TMEM132D: variants seen among roughly 807,000 people sequenced by gnomAD.
TMEM132D encodes mature OL transmembrane protein.
In TMEM132D, 21 loss-of-function variants were observed where a neutral mutation model predicts 62.3. The ratio of observed to expected loss-of-function variants is 0.34; its 90% CI spans 0.24 to 0.49. TMEM132D has a LOEUF of 0.49. Among genes scored for constraint, TMEM132D ranks in the 20% least tolerant of loss-of-function variants. The pLI, the probability that TMEM132D is intolerant of heterozygous loss-of-function variation, is 0.99. For missense variants in TMEM132D, 1,346 were observed against 1,402.8 expected (o/e 0.96, Z 0.65); for synonymous variants, 621 against 575.6 (o/e 1.08, Z -1.13).
rs148312009 is a variant in TMEM132D, at chr12:129,538,117, T to C, written c.969-6912A>G. On this transcript the variant is annotated intron_variant, in intron 2 of 8. Transcript: ENST00000422113. ...TCACTTCTGAGATTTACGTGAGCTG[T>C]AAATGAGGAAGTTAAATATCTTCAG... Among the ~76,000 whole-genome samples, 283 of 152,310 alleles carry C rather than the reference T, an allele frequency of 1.9e-3. 1 individual carries two copies. The highest frequency in any genetic ancestry group is 6.4e-3 in the African/African-American group (266 of 41,568).
chr12:129,711,598 A>G (rs914508053), intron 1 of TMEM132D, among the ~76,000 whole-genome samples: 1 of 151,882 alleles, frequency 6.6e-6, no homozygotes, highest in African/African-American at 2.4e-5. Context: ...ATGGTGGCGC[A>G]GGCCTGTAAT....
intron 1 of TMEM132D, among the ~76,000 whole-genome samples, chr12:129,750,149 G>T (rs1021409463): frequency 6.6e-6 from 1 of 151,896 alleles, no homozygotes; most frequent in African/African-American, 2.4e-5. Context: ...GCAGTGGTGC[G>T]ATCTCGGCTC....
intron 2 of TMEM132D, among the ~76,000 whole-genome samples, chr12:129,632,024 A>G (rs565010258): frequency 1.5e-4 from 23 of 152,372 alleles, no homozygotes; most frequent in African/African-American, 5.5e-4. Context: ...CGTTCACTGC[A>G]GCATTATTTA....
chr12:129,807,318 G>A (rs370468170), intron 1 of TMEM132D, among the ~76,000 whole-genome samples: 3 of 152,172 alleles, frequency 2.0e-5, no homozygotes, highest in East Asian at 1.9e-4. Flanking sequence ...TTCTGTTACC[G>A]GCCTGGCCAT....
chr12:129,257,196 GTTTC>G (rs1287135565), intron 4 of TMEM132D, among the ~76,000 whole-genome samples: 2 of 140,770 alleles, frequency 1.4e-5, no homozygotes, highest in African/African-American at 2.7e-5. Flanking sequence ...GGCATCCCCT[GTTTC>G]TTTCTTTTTT....
At chr12:129,513,077 G>C (rs1182284854) in intron 3 of TMEM132D, among the ~76,000 whole-genome samples, 1 of 152,176 alleles carries the variant, frequency 6.6e-6, no homozygotes, top group Non-Finnish European at 1.5e-5. Context: ...TCTGAGGCTG[G>C]GTAACTTATA....
At chr12:129,227,358 GATTAT>G (rs1168130229) in intron 4 of TMEM132D, among the ~76,000 whole-genome samples, 9 of 136,090 alleles carry the variant, frequency 6.6e-5, no homozygotes, top group African/African-American at 2.4e-4. Context: ...GAAGACACTT[GATTAT>G]GTTATAAATC....
At chr12:129,851,683 C>A (rs1873547838) in intron 1 of TMEM132D, among the ~76,000 whole-genome samples, 1 of 151,462 alleles carries the variant, frequency 6.6e-6, no homozygotes, top group African/African-American at 2.5e-5. Context: ...CACTGCTTCC[C>A]TACAGCAGTG....
chr12:129,269,921 C>T (rs1011962365), intron 4 of TMEM132D, among the ~76,000 whole-genome samples: 9 of 152,096 alleles, frequency 5.9e-5, no homozygotes, highest in Admixed American at 3.9e-4. Flanking sequence ...GCAACCAAGG[C>T]GTCTGAAAGG....
intron 3 of TMEM132D, among the ~76,000 whole-genome samples, chr12:129,411,156 T>C (rs1234646903): frequency 6.6e-6 from 1 of 152,174 alleles, no homozygotes; most frequent in Non-Finnish European, 1.5e-5. Context: ...ATTTTCCAGG[T>C]ACATAATTAT....
chr12:129,473,230 C>T (rs1231722995), intron 3 of TMEM132D, among the ~76,000 whole-genome samples: 3 of 151,696 alleles, frequency 2.0e-5, no homozygotes, highest in Non-Finnish European at 2.9e-5. Flanking sequence ...AGTCAGCAGT[C>T]GTCCATGTCG....
rs147834054 is a variant in TMEM132D at position 129,620,580 on chromosome 12, C to T, written c.968+79230G>A. 2.3e-3 allele frequency among the ~76,000 whole-genome samples: 343 copies of T among 152,274 alleles called. 3 individuals are homozygous for T. The highest frequency in any genetic ancestry group is 7.9e-3 in the African/African-American group (327 of 41,552). On this transcript the variant is annotated intron_variant, in intron 2 of 8. Transcript: ENST00000422113. ...GGCCACTGCACTCCAGCCTGGGTGACAGAGTGAGACCCTGTCTAAAGAAAA... is the reference window on the plus strand; with the variant it reads ...GGCCACTGCACTCCAGCCTGGGTGATAGAGTGAGACCCTGTCTAAAGAAAA...
chr12:129,299,124 C>T (rs1357586456), intron 4 of TMEM132D, among the ~76,000 whole-genome samples: 2 of 152,156 alleles, frequency 1.3e-5, no homozygotes, highest in African/African-American at 2.4e-5. Flanking sequence ...TCAGATATGA[C>T]ATCTGATTTA....
At chr12:129,853,671 C>G (rs911354369) in intron 1 of TMEM132D, 7 of 152,108 alleles carry the variant, frequency 4.6e-5, no homozygotes, top group Non-Finnish European at 1.0e-4. Flanking sequence ...GTAGGGCCAA[C>G]GTGCTCTCTG....
At chr12:129,421,740 T>C (rs1872331358) in intron 3 of TMEM132D, among the ~76,000 whole-genome samples, 2 of 152,230 alleles carry the variant, frequency 1.3e-5, no homozygotes, top group South Asian at 4.1e-4. Flanking sequence ...TGTATGGCTT[T>C]TGTACCCGTG....
chr12:129,778,248 TGCC>T (rs1871009328), intron 1 of TMEM132D, among the ~76,000 whole-genome samples: 2 of 151,918 alleles, frequency 1.3e-5, no homozygotes, highest in African/African-American at 4.8e-5. Flanking sequence ...TACCAGAAAT[TGCC>T]CCCTTTAAAT....
intron 2 of TMEM132D, among the ~76,000 whole-genome samples, chr12:129,592,983 A>G (rs1450588286): frequency 6.6e-6 from 1 of 152,208 alleles, no homozygotes; most frequent in East Asian, 1.9e-4. Flanking sequence ...AGGAAGAGAC[A>G]CAGGAGGGTG....
chr12:129,861,274 T>A (rs1255696965), intron 1 of TMEM132D, among the ~76,000 whole-genome samples: 1 of 152,212 alleles, frequency 6.6e-6, no homozygotes, highest in African/African-American at 2.4e-5. Flanking sequence ...AACCCCCACC[T>A]TACCTTTAAC....
At position 129,356,780 on chromosome 12, in the gene TMEM132D, G is replaced by A. The variant is rs1361941852; in HGVS notation, c.1116-18963C>T. Among the ~76,000 whole-genome samples, 4 of 151,914 alleles carry A rather than the reference G, an allele frequency of 2.6e-5. 1 individual carries two copies. Among genetic ancestry groups the A allele is most frequent in the Admixed American group, 1.3e-4 (2 of 15,248 alleles). ...CTCATGAAGCTGAGGTGGGAGGATCGCTTGAGCCTGGGAGGTCAAGGCAGC... is the reference window on the plus strand; with the variant it reads ...CTCATGAAGCTGAGGTGGGAGGATCACTTGAGCCTGGGAGGTCAAGGCAGC... On this transcript the variant is annotated intron_variant, in intron 3 of 8. Coordinates refer to ENST00000422113, the MANE Select transcript of TMEM132D (RefSeq NM_133448.3).
Sources: allele counts gnomAD v4.1 joint callset (sites outside exome capture counted in the v4.1 genomes callset), GRCh38; gene constraint gnomAD v4.1.1; transcripts MANE v1.5; gene names NCBI Gene and HGNC (gene_info 2026-07-23, HGNC 2026-07-21).